Variants in SGTB observed in about 807,000 individuals in gnomAD.
SGTB encodes small glutamine-rich tetratricopeptide repeat-containing protein beta.
In SGTB, 19 loss-of-function variants were observed where a neutral mutation model predicts 43.9. The observed-to-expected ratio is 0.43, with a 90% CI of 0.30 to 0.63. SGTB has a LOEUF of 0.63. Among genes scored for constraint, SGTB ranks in the 30% least tolerant of loss-of-function variants. The pLI, the probability that SGTB is intolerant of heterozygous loss-of-function variation, is 0.12. For synonymous variants in SGTB, 116 were observed against 117.3 expected (o/e 0.99, Z 0.07); for missense variants, 304 against 358.9 (o/e 0.85, Z 1.24).
chr5:65,712,441 T>C (rs1429186953), intron 3 of SGTB, among the ~76,000 whole-genome samples: 1 of 152,178 alleles, frequency 6.6e-6, no homozygotes, highest in African/African-American at 2.4e-5. Flanking sequence ...AAAACTTGGA[T>C]TTCAGTCTTA....
intron 2 of SGTB, 42 bp from the exon 3 acceptor site, chr5:65,713,106 A>T (rs770781842): frequency 2.1e-6 from 3 of 1,460,108 alleles, no homozygotes; most frequent in East Asian, 2.3e-5. Flanking sequence ...TAGCAATTTT[A>T]AAAAAGAAAC....
chr5:65,691,797 G>T (rs1434456579), intron 5 of SGTB, among the ~76,000 whole-genome samples: 10 of 151,692 alleles, frequency 6.6e-5, no homozygotes, highest in South Asian at 6.2e-4. Flanking sequence ...CGGGCGTGGT[G>T]GCGGGCGCCT....
chr5:65,706,053 C>T (rs1273436531), intron 4 of SGTB, among the ~76,000 whole-genome samples: 1 of 151,902 alleles, frequency 6.6e-6, no homozygotes, highest in Non-Finnish European at 1.5e-5. Flanking sequence ...AAAAAAATTT[C>T]TATAATTGAT....
chr5:65,704,035 C>CAAAAAAAAAAAAAA (rs11405488), intron 5 of SGTB, among the ~76,000 whole-genome samples: 9 of 133,364 alleles, frequency 6.7e-5, no homozygotes, highest in African/African-American at 1.1e-4. Context: ...GACTCCGTCT[C>CAAAAAAAAAAAAAA]AAAAAAAAAA....
chr5:65,693,099 C>T (rs746269308), intron 5 of SGTB, among the ~76,000 whole-genome samples: 1 of 151,920 alleles, frequency 6.6e-6, no homozygotes, highest in Non-Finnish European at 1.5e-5. Flanking sequence ...GAGACTGAGG[C>T]ATGAGACTTG....
chr5:65,720,862 T>C, intron 1 of SGTB, 33 bp from the exon 2 acceptor site: 1 of 1,592,208 alleles, frequency 6.3e-7, no homozygotes, highest in Non-Finnish European at 8.5e-7. Context: ...CTGAACTAAG[T>C]TATTTTAAAG....
intron 5 of SGTB, 147 bp from the exon 6 acceptor site, chr5:65,685,619 T>C (rs992299600): frequency 9.0e-5 from 54 of 599,196 alleles, no homozygotes; most frequent in Non-Finnish European, 1.3e-4. Context: ...AAGATAATTA[T>C]GTAATAAAAT....
chr5:65,679,903 G>C (rs1470778684), intron 8 of SGTB, among the ~76,000 whole-genome samples: 1 of 152,112 alleles, frequency 6.6e-6, no homozygotes, highest in African/African-American at 2.4e-5. Flanking sequence ...GCAAAGACAT[G>C]GAATCAATGC....
Position 65,670,310 on chromosome 5 carries a change from A to C in SGTB, c.851T>G (p.Ile284Arg), listed in dbSNP as rs763724154. 6.2e-7 allele frequency: 1 copy of C among 1,614,186 alleles called. No individual in the cohort carries two copies. The highest frequency in any genetic ancestry group is 8.5e-7 in the Non-Finnish European group (1 of 1,180,010). Residue 284 changes from isoleucine to arginine, a missense_variant, in exon 11 of 11, where the codon ATA (isoleucine) becomes AGA (arginine). Physicochemically the swap from Ile to Arg is moderately conservative, Grantham distance 97 (BLOSUM62 -3). Coordinates refer to ENST00000381007, the MANE Select transcript of SGTB (RefSeq NM_019072.3). The stretch of plus-strand genomic sequence containing the variant: ...CCGGATGTGATTTCTCAGTTGCTCT[A>C]TAAGTTCAGGATTTTGTTGCTGTAT... ...QQIQQQNPELIEQLRNHIRSR... is the reference protein window; with the variant it reads ...QQIQQQNPELREQLRNHIRSR...
At chr5:65,671,780 A>C in intron 10 of SGTB, 135 bp downstream of exon 10, 1 of 749,702 alleles carries the variant, frequency 1.3e-6, no homozygotes, top group Non-Finnish European at 2.1e-6. Context: ...TTTCAGATTT[A>C]GTAACATTAA....
rs1757049967 is a variant in SGTB at position 65,666,880 on chromosome 5, T to C, written c.*3366A>G. The C allele has an allele frequency of 6.6e-6, 1 of 152,088 alleles. No individual in the cohort carries two copies. The highest frequency in any genetic ancestry group is 1.5e-5 in the Non-Finnish European group (1 of 67,982). 9.4% of individuals were successfully genotyped at this position (152,088 alleles called of 1,614,324 possible). A position where few individuals can be genotyped will look rare whatever the true frequency, so the allele number is the denominator to read the frequency against. On this transcript the variant is annotated 3_prime_UTR_variant, in exon 11 of 11. Transcript: ENST00000381007. ...AGCACATGAAGACATTGTTTTAAAG[T>C]TTTTTTTCTTATAGTATCTTTGTCT... is the stretch of plus-strand genomic sequence containing the variant.
intron 5 of SGTB, among the ~76,000 whole-genome samples, chr5:65,697,656 T>A (rs1034394785): frequency 2.0e-5 from 3 of 152,198 alleles, no homozygotes; most frequent in Non-Finnish European, 4.4e-5. Flanking sequence ...TTTGGGGAGC[T>A]ACATTGATGA....
Position 65,683,760 on chromosome 5 carries a change from C to T in SGTB, c.479+1608G>A, listed in dbSNP as rs560480884. On this transcript the variant is annotated intron_variant, in intron 6 of 10. Coordinates refer to ENST00000381007, the MANE Select transcript of SGTB (RefSeq NM_019072.3). ...AGGAGATCGAGACCATCCTGGCTAACGCAGTGAAACCCCGTCTCTACTAAA... is the reference window on the plus strand; with the variant it reads ...AGGAGATCGAGACCATCCTGGCTAATGCAGTGAAACCCCGTCTCTACTAAA... 2.0e-4 allele frequency among the ~76,000 whole-genome samples: 30 copies of T among 152,002 alleles called. 1 individual carries two copies. Among genetic ancestry groups the T allele is most frequent in the Admixed American group, 1.8e-3 (27 of 15,264 alleles).
At chr5:65,672,379 T>C (rs752780589) in intron 8 of SGTB, 98 bp from the exon 9 acceptor site, 9 of 1,405,400 alleles carry the variant, frequency 6.4e-6, no homozygotes, top group South Asian at 1.2e-5. Context: ...AAATCATGTA[T>C]GCACTAACAT....
chr5:65,673,549 C>T (rs1215418384), intron 8 of SGTB, among the ~76,000 whole-genome samples: 1 of 152,246 alleles, frequency 6.6e-6, no homozygotes, highest in East Asian at 1.9e-4. Flanking sequence ...TCTAACGCTC[C>T]TCTCCCCATC....
chr5:65,714,618 C>T (rs569172974), intron 2 of SGTB, among the ~76,000 whole-genome samples: 1 of 152,222 alleles, frequency 6.6e-6, no homozygotes, highest in East Asian at 1.9e-4. Flanking sequence ...AGTTCAAGAC[C>T]AGCCTGGCCA....
intron 6 of SGTB, among the ~76,000 whole-genome samples, chr5:65,681,632 A>C (rs1757398969): frequency 6.6e-6 from 1 of 152,146 alleles, no homozygotes; most frequent in Non-Finnish European, 1.5e-5. Flanking sequence ...CTATTTACTG[A>C]AACTCTATGA....
chr5:65,683,529 T>C (rs1446777209), intron 6 of SGTB, among the ~76,000 whole-genome samples: 1 of 152,032 alleles, frequency 6.6e-6, no homozygotes, highest in Non-Finnish European at 1.5e-5. Flanking sequence ...CAGCAGAGGA[T>C]GCAACCCTAA....
chr5:65,696,968 A>G (rs1757727774), intron 5 of SGTB, among the ~76,000 whole-genome samples: 1 of 152,186 alleles, frequency 6.6e-6, no homozygotes, highest in African/African-American at 2.4e-5. Context: ...TAGTGAGTTG[A>G]GTATGTAAAA....
Sources: gnomAD v4.1 joint callset for allele counts (sites outside exome capture counted in the v4.1 genomes callset) on GRCh38, gnomAD v4.1.1 for gene constraint, MANE v1.5 for transcripts, NCBI Gene and HGNC (gene_info 2026-07-23, HGNC 2026-07-21) for gene names.